PCSK2: variants seen among roughly 807,000 people sequenced by gnomAD.
PCSK2 encodes proprotein convertase subtilisin/kexin type 2, also known as neuroendocrine convertase 2.
PCSK2 carries 14 observed loss-of-function variants against 69.7 expected under a neutral mutation model. The ratio of observed to expected loss-of-function variants is 0.20; its 90% CI spans 0.13 to 0.31. The LOEUF (loss-of-function observed/expected upper bound fraction) is 0.31, where lower values mean the gene tolerates loss of function less well. PCSK2 is among the 10% of genes least tolerant of loss of function. The pLI is 1.00. For missense variants in PCSK2, 544 were observed against 842.5 expected, an observed-to-expected ratio of 0.65 and a Z score of 4.39; for synonymous variants, 307 against 320.7, an observed-to-expected ratio of 0.96 and a Z score of 0.46.
intron 2 of PCSK2, among the ~76,000 whole-genome samples, chr20:17,313,691 G>T (rs1989587669): frequency 6.6e-6 from 1 of 152,114 alleles, no homozygotes; most frequent in Admixed American, 6.5e-5. Context: ...TCACTGCGGG[G>T]TGATTCACCC....
At chr20:17,299,194 T>A (rs1246515719) in intron 2 of PCSK2, among the ~76,000 whole-genome samples, 1 of 152,212 alleles carries the variant, frequency 6.6e-6, no homozygotes, top group African/African-American at 2.4e-5. Context: ...TCACATGCGA[T>A]CATTTTAAGC....
chr20:17,405,509 C>T (rs558819552), intron 5 of PCSK2, among the ~76,000 whole-genome samples: 2 of 152,282 alleles, frequency 1.3e-5, no homozygotes, highest in East Asian at 1.9e-4. Flanking sequence ...GCCCCAAATC[C>T]GAAAGGTGTC....
intron 5 of PCSK2, among the ~76,000 whole-genome samples, chr20:17,378,884 T>G (rs1294531495): frequency 6.6e-6 from 1 of 152,240 alleles, no homozygotes; most frequent in Non-Finnish European, 1.5e-5. Flanking sequence ...CAACTGCCTT[T>G]GTTCCTTTCT....
intron 1 of PCSK2, among the ~76,000 whole-genome samples, chr20:17,256,535 C>T (rs746358311): frequency 6.6e-6 from 1 of 151,900 alleles, no homozygotes; most frequent in Non-Finnish European, 1.5e-5. Flanking sequence ...ACCAGAGTTA[C>T]CTCTCCCCAG....
chr20:17,439,769 C>A (rs2032558719), intron 8 of PCSK2, among the ~76,000 whole-genome samples: 1 of 152,198 alleles, frequency 6.6e-6, no homozygotes. Context: ...CCAAGTGGAA[C>A]CCTTCAGCGC....
chr20:17,335,023 T>G lies in PCSK2; in HGVS notation c.283-23304T>G, dbSNP rs192752981. Among the ~76,000 whole-genome samples, 796 of 152,326 alleles carry G rather than the reference T, an allele frequency of 5.2e-3. 11 individuals are homozygous for G. The highest frequency in any genetic ancestry group is 0.018 in the African/African-American group (728 of 41,566). On this transcript the variant is annotated intron_variant, in intron 2 of 11. Coordinates refer to ENST00000262545, the MANE Select transcript of PCSK2 (RefSeq NM_002594.5). Reference sequence around the variant, plus strand: ...AAGTTCAATTTCTTCATTCGTAGAATGGTGGACAATTATTCAGTTACTATT... The same window carrying G: ...AAGTTCAATTTCTTCATTCGTAGAAGGGTGGACAATTATTCAGTTACTATT...
chr20:17,385,498 G>A (rs1011018473), intron 5 of PCSK2, among the ~76,000 whole-genome samples: 5 of 152,210 alleles, frequency 3.3e-5, no homozygotes, highest in Non-Finnish European at 5.9e-5. Flanking sequence ...AAATGGAATC[G>A]TCAAGTAGTT....
intron 2 of PCSK2, among the ~76,000 whole-genome samples, chr20:17,333,909 G>GCATA (rs1292435335): frequency 2.4e-5 from 1 of 42,020 alleles, no homozygotes; most frequent in Non-Finnish European, 4.8e-5. Flanking sequence ...CTAAGTCACT[G>GCATA]CATATATATA....
At chr20:17,372,235 C>T (rs984782565) in intron 5 of PCSK2, among the ~76,000 whole-genome samples, 2 of 151,894 alleles carry the variant, frequency 1.3e-5, no homozygotes, top group African/African-American at 4.8e-5. Context: ...AGAAATTAGC[C>T]GGGCGTGGTG....
At chr20:17,303,546 TG>T (rs1376726529) in intron 2 of PCSK2, among the ~76,000 whole-genome samples, 2 of 29,904 alleles carry the variant, frequency 6.7e-5, no homozygotes, top group African/African-American at 1.0e-4. Context: ...ATATATAATA[TG>T]ATATAATATA....
At chr20:17,411,422 C>T (rs548447346) in intron 6 of PCSK2, among the ~76,000 whole-genome samples, 20 of 152,338 alleles carry the variant, frequency 1.3e-4, no homozygotes, top group South Asian at 1.0e-3. Context: ...GAGCTTTGCT[C>T]ACTGCTAGTG....
At chr20:17,295,149 A>C (rs2123074385) in intron 2 of PCSK2, among the ~76,000 whole-genome samples, 1 of 152,118 alleles carries the variant, frequency 6.6e-6, no homozygotes, top group South Asian at 2.1e-4. Flanking sequence ...ACTGACATTC[A>C]AAATTGTAAT....
chr20:17,294,744 G>T (rs1023348109), intron 2 of PCSK2, among the ~76,000 whole-genome samples: 13 of 152,156 alleles, frequency 8.5e-5, no homozygotes, highest in African/African-American at 3.1e-4. Context: ...TTCACTAGAT[G>T]TGATTTATTT....
chr20:17,241,267 C>T (rs1600401715), intron 1 of PCSK2, among the ~76,000 whole-genome samples: 2 of 152,096 alleles, frequency 1.3e-5, no homozygotes, highest in East Asian at 1.9e-4. Flanking sequence ...GAAATGGGCA[C>T]GGTTTTTCGG....
chr20:17,229,668 A>T lies in PCSK2; in HGVS notation c.177+2186A>T, dbSNP rs200342386. Among the ~76,000 whole-genome samples the T allele has an allele frequency of 5.9e-5, 9 of 152,120 alleles. No homozygotes were observed. The East Asian group carries it at 1.2e-3, about 20-fold the overall frequency. On this transcript the variant is annotated intron_variant, in intron 1 of 11. Transcript: ENST00000262545. ...CTTACTTCTCCATAACCTCTCAGGT[A>T]GTACCCCACAACCAAATCCAGTGAT...
rs2033447510 is a variant in PCSK2, at chr20:17,483,540, G to A, written c.*1470G>A. 6.6e-6 allele frequency: 1 copy of A among 152,204 alleles called. No individual in the cohort carries two copies. The highest frequency in any genetic ancestry group is 2.4e-5 in the African/African-American group (1 of 41,440). The allele number at this position is 152,204 out of a possible 1,614,324, so 9.4% of individuals were successfully genotyped here. On this transcript the variant is annotated 3_prime_UTR_variant, in exon 12 of 12. Transcript: ENST00000262545. ...CCAGGCACCATCTCCCTTCCTGTGG[G>A]AGCAGAGAGCTTAGCCTGGAGCACC...
chr20:17,402,818 G>T (rs981153748), intron 5 of PCSK2, among the ~76,000 whole-genome samples: 18 of 152,052 alleles, frequency 1.2e-4, no homozygotes, highest in Admixed American at 3.3e-4. Context: ...TTAGCCAGGC[G>T]TGGTGGTGGG....
chr20:17,276,997 A>T (rs1423093449), intron 2 of PCSK2, among the ~76,000 whole-genome samples: 2 of 152,176 alleles, frequency 1.3e-5, no homozygotes, highest in African/African-American at 4.8e-5. Flanking sequence ...AATACCTAGG[A>T]ATCCAACTTA....
chr20:17,344,642 T>TGTTG (rs1990597756), intron 2 of PCSK2, among the ~76,000 whole-genome samples: 2 of 151,910 alleles, frequency 1.3e-5, no homozygotes. Context: ...GCAGACAGCT[T>TGTTG]GTTTGTTCCC....
Sources: gnomAD v4.1 joint callset for allele counts (sites outside exome capture counted in the v4.1 genomes callset) on GRCh38, gnomAD v4.1.1 for gene constraint, MANE v1.5 for transcripts, NCBI Gene and HGNC (gene_info 2026-07-23, HGNC 2026-07-21) for gene names.